ADAMTS12: variants seen among roughly 807,000 people sequenced by gnomAD.
ADAMTS12 encodes ADAM metallopeptidase with thrombospondin type 1 motif 12.
ADAMTS12 carries 118 observed loss-of-function variants against 167.8 expected under a neutral mutation model. That is an observed-to-expected ratio of 0.70 (90% CI 0.61 to 0.82). ADAMTS12 has a LOEUF of 0.82. Among genes scored for constraint, ADAMTS12 ranks in the 40% least tolerant of loss-of-function variants. The pLI, the probability that ADAMTS12 is intolerant of heterozygous loss-of-function variation, is 0.00. For synonymous variants in ADAMTS12, 704 were observed against 716.9 expected, an observed-to-expected ratio of 0.98 and a Z score of 0.29; for missense variants, 1,916 against 1,998.8, an observed-to-expected ratio of 0.96 and a Z score of 0.79.
intron 19 of ADAMTS12, among the ~76,000 whole-genome samples, chr5:33,564,369 A>C (rs1417799889): frequency 6.6e-6 from 1 of 152,226 alleles, no homozygotes; most frequent in Non-Finnish European, 1.5e-5. Flanking sequence ...GATGAAGAAA[A>C]GTAGGAGGCA....
chr5:33,551,258 A>T (rs1376198571), intron 20 of ADAMTS12, among the ~76,000 whole-genome samples: 1 of 151,992 alleles, frequency 6.6e-6, no homozygotes, highest in African/African-American at 2.4e-5. Context: ...GACTTCAAAC[A>T]TTGGTCTGTA....
At chr5:33,873,202 T>G (rs926851782) in intron 2 of ADAMTS12, among the ~76,000 whole-genome samples, 1 of 150,272 alleles carries the variant, frequency 6.7e-6, no homozygotes, top group African/African-American at 2.4e-5. Flanking sequence ...GAAACAATTG[T>G]AGCAAGTGAT....
chr5:33,802,499 T>C (rs1458382155), intron 2 of ADAMTS12, among the ~76,000 whole-genome samples: 1 of 152,228 alleles, frequency 6.6e-6, no homozygotes, highest in Non-Finnish European at 1.5e-5. Flanking sequence ...CCACTGGTGC[T>C]ATGGTAACAG....
chr5:33,537,612 G>A (rs912282770), intron 22 of ADAMTS12, among the ~76,000 whole-genome samples: 26 of 152,168 alleles, frequency 1.7e-4, no homozygotes, highest in African/African-American at 4.8e-4. Flanking sequence ...TGTATCCTTC[G>A]GTAGCAACCT....
At chr5:33,882,928 A>G (rs531414794) in intron 1 of ADAMTS12, among the ~76,000 whole-genome samples, 17 of 152,294 alleles carry the variant, frequency 1.1e-4, no homozygotes, top group Middle Eastern at 3.4e-3. Flanking sequence ...ATCACCTCTC[A>G]GTTGTAGTTT....
chr5:33,624,474 G>T (rs1385661919), intron 13 of ADAMTS12, 123 bp from the exon 14 acceptor site: 33 of 1,377,404 alleles, frequency 2.4e-5, no homozygotes, highest in Non-Finnish European at 3.0e-5. Flanking sequence ...CAGGTACAAG[G>T]ACAAATGTTT....
intron 2 of ADAMTS12, among the ~76,000 whole-genome samples, chr5:33,824,240 T>A (rs1747974088): frequency 1.3e-5 from 2 of 152,160 alleles, no homozygotes; most frequent in Non-Finnish European, 2.9e-5. Context: ...AGCTTGAGCC[T>A]GACCCAGGAC....
At chr5:33,664,074 A>C (rs1256249055) in intron 5 of ADAMTS12, among the ~76,000 whole-genome samples, 2 of 152,218 alleles carry the variant, frequency 1.3e-5, no homozygotes, top group Non-Finnish European at 2.9e-5. Flanking sequence ...GACATCATCT[A>C]TTCTCTCAAG....
At chr5:33,874,256 T>C (rs930249260) in intron 2 of ADAMTS12, among the ~76,000 whole-genome samples, 2 of 152,292 alleles carry the variant, frequency 1.3e-5, no homozygotes, top group East Asian at 3.9e-4. Flanking sequence ...GATTAAAAAC[T>C]AGAACAAAGA....
intron 3 of ADAMTS12, among the ~76,000 whole-genome samples, chr5:33,735,848 G>A (rs1310115900): frequency 6.6e-6 from 1 of 151,952 alleles, no homozygotes; most frequent in Non-Finnish European, 1.5e-5. Flanking sequence ...GGAACATCCT[G>A]GTCACTATGA....
At chr5:33,731,210 G>C (rs2112353234) in intron 3 of ADAMTS12, among the ~76,000 whole-genome samples, 1 of 149,170 alleles carries the variant, frequency 6.7e-6, no homozygotes, top group Non-Finnish European at 1.5e-5. Context: ...TTTTGAGACA[G>C]GGTCTCACTG....
chr5:33,566,694 C>T (rs1454272411), intron 19 of ADAMTS12, among the ~76,000 whole-genome samples: 1 of 152,166 alleles, frequency 6.6e-6, no homozygotes, highest in Non-Finnish European at 1.5e-5. Flanking sequence ...TACCTACAGT[C>T]AGTGGCAGAG....
intron 3 of ADAMTS12, among the ~76,000 whole-genome samples, chr5:33,731,278 C>T (rs979536679): frequency 2.7e-5 from 4 of 149,470 alleles, no homozygotes; most frequent in Admixed American, 2.0e-4. Context: ...CTCAGCCTCC[C>T]GGGTTCCAGA....
At chr5:33,788,456 G>C (rs534055856) in intron 2 of ADAMTS12, among the ~76,000 whole-genome samples, 3 of 152,258 alleles carry the variant, frequency 2.0e-5, no homozygotes, top group African/African-American at 7.2e-5. Flanking sequence ...AGAGAGAAAA[G>C]AAGGGGAGAG....
At chr5:33,684,153 A>T (rs1742237291) in intron 3 of ADAMTS12, 98 bp from the exon 4 acceptor site, 1 of 912,398 alleles carries the variant, frequency 1.1e-6, no homozygotes, top group Non-Finnish European at 1.5e-6. Flanking sequence ...TTTAATTTAC[A>T]TTTAATAATA....
In ADAMTS12 at chr5:33,595,916, G is replaced by A; in HGVS notation, c.2654+18C>T. ...CTGTAGGCAGACACACAGAGCTCCA[G>A]CTGTTAGCGATGGTTACCTGGGTGG... On this transcript the variant is annotated intron_variant, in intron 17 of 23. Transcript: ENST00000504830. The A allele has an allele frequency of 5.6e-6, 9 of 1,613,798 alleles. No individual in the cohort carries two copies. Among genetic ancestry groups the A allele is most frequent in the Non-Finnish European group, 7.6e-6 (9 of 1,179,794 alleles).
At chr5:33,827,988 C>T (rs1748156356) in intron 2 of ADAMTS12, among the ~76,000 whole-genome samples, 1 of 152,114 alleles carries the variant, frequency 6.6e-6, no homozygotes, top group East Asian at 1.9e-4. Context: ...AGTTCCTTTA[C>T]CAAAATCAGC....
chr5:33,634,780 G>T (rs188763166), intron 12 of ADAMTS12, among the ~76,000 whole-genome samples: 2 of 152,132 alleles, frequency 1.3e-5, no homozygotes, highest in East Asian at 3.9e-4. Flanking sequence ...CCACAGAAAG[G>T]TATAAAAACA....
intron 7 of ADAMTS12, among the ~76,000 whole-genome samples, 154 bp from the exon 8 acceptor site, chr5:33,649,851 C>T (rs1740812430): frequency 6.6e-6 from 1 of 151,458 alleles, no homozygotes; most frequent in Admixed American, 6.6e-5. Context: ...GTCGGAGGGG[C>T]ATAGCTAATT....
Sources: gnomAD v4.1 joint callset for allele counts (sites outside exome capture counted in the v4.1 genomes callset) on GRCh38, gnomAD v4.1.1 for gene constraint, MANE v1.5 for transcripts, NCBI Gene and HGNC (gene_info 2026-07-23, HGNC 2026-07-21) for gene names.